FAM184B: variants seen among roughly 807,000 people sequenced by gnomAD.
FAM184B encodes the protein protein FAM184B.
A neutral mutation model predicts 135.9 loss-of-function variants in FAM184B; 111 were observed. The ratio of observed to expected loss-of-function variants is 0.82; its 90% CI spans 0.70 to 0.96. FAM184B has a LOEUF of 0.96. Among genes scored for constraint, FAM184B ranks in the 40% least tolerant of loss-of-function variants. The pLI is 0.00. For synonymous variants in FAM184B, 552 were observed against 524.8 expected (o/e 1.05, Z -0.71); for missense variants, 1,375 against 1,323.9 (o/e 1.04, Z -0.60).
At chr4:17,769,971 A>C (rs1333326976) in intron 1 of FAM184B, among the ~76,000 whole-genome samples, 2 of 152,190 alleles carry the variant, frequency 1.3e-5, no homozygotes, top group Non-Finnish European at 2.9e-5. Context: ...GAGACATCTG[A>C]GCCAAGTTGG....
rs529726822 is a variant in FAM184B at position 17,775,432 on chromosome 4, G to A, written c.141+5727C>T. ...CGTCTCCTGACCTCGTGATCTGCCC[G>A]CCTCGGCCTCCCAAACTGCTGGGAT... On this transcript the variant is annotated intron_variant, in intron 1 of 17. Transcript: ENST00000265018. Among the ~76,000 whole-genome samples, 65 of 152,182 alleles carry A rather than the reference G, an allele frequency of 4.3e-4. 1 individual carries two copies. In the East Asian group the frequency reaches 0.011, roughly 27 times the overall value.
intron 13 of FAM184B, among the ~76,000 whole-genome samples, chr4:17,641,643 CTT>C (rs34886078): frequency 0.017 from 401 of 24,256 alleles, no homozygotes; most frequent in Non-Finnish European, 0.019. Flanking sequence ...CACGCCCGGC[CTT>C]TTTTTTTTTT....
chr4:17,682,465 C>G (rs953147911), intron 7 of FAM184B, among the ~76,000 whole-genome samples: 1 of 151,930 alleles, frequency 6.6e-6, no homozygotes, highest in Admixed American at 6.6e-5. Context: ...TTTTATCTCT[C>G]TCTCTCTCTT....
intron 1 of FAM184B, among the ~76,000 whole-genome samples, chr4:17,711,674 A>G (rs1328610427): frequency 6.6e-6 from 1 of 152,060 alleles, no homozygotes; most frequent in Non-Finnish European, 1.5e-5. Context: ...AAAACAAAAC[A>G]AACAGAAGTT....
At chr4:17,697,808 A>T (rs547155176) in intron 5 of FAM184B, among the ~76,000 whole-genome samples, 2 of 152,226 alleles carry the variant, frequency 1.3e-5, no homozygotes, top group Non-Finnish European at 2.9e-5. Context: ...GCAGTCTACA[A>T]GTGATTAATC....
At chr4:17,663,615 A>AACACACACACACAC (rs113627829) in intron 8 of FAM184B, among the ~76,000 whole-genome samples, 204 of 150,540 alleles carry the variant, frequency 1.4e-3, no homozygotes, top group African/African-American at 4.9e-3. Context: ...TCCCATTCAC[A>AACACACACACACAC]ACACACACAC....
intron 13 of FAM184B, among the ~76,000 whole-genome samples, chr4:17,639,892 G>C (rs370796702): frequency 2.0e-5 from 3 of 151,134 alleles, no homozygotes; most frequent in Admixed American, 6.6e-5. Context: ...GCAATGGCAC[G>C]ATCTCGGCTC....
intron 1 of FAM184B, among the ~76,000 whole-genome samples, chr4:17,773,978 G>A (rs896841290): frequency 2.6e-5 from 4 of 152,160 alleles, no homozygotes; most frequent in Non-Finnish European, 5.9e-5. Flanking sequence ...TTGTGTTTGG[G>A]GTAAGACATT....
In FAM184B at chr4:17,658,385, G is replaced by T. The variant is rs369628973; in HGVS notation, c.2002C>A (p.Arg668Ser). The T allele has an allele frequency of 2.6e-6, 4 of 1,551,636 alleles. No individual in the cohort carries two copies. Among genetic ancestry groups the T allele is most frequent in the Non-Finnish European group, 2.6e-6 (3 of 1,146,998 alleles). Reference protein sequence around the residue: ...QLEASHQRALRMLEKARHQEL... With the variant: ...QLEASHQRALSMLEKARHQEL... The stretch of plus-strand genomic sequence containing the variant: ...TGATGTCTGGCCTTCTCCAGCATGC[G>T]CAGGGCTCTCTGGTGGGAAGCCTCG... The change falls in exon 10 of 18, where the codon CGC becomes AGC. Residue 668 changes from arginine (R) to serine (S), a missense_variant. Physicochemically the swap from Arg to Ser is moderately radical, Grantham distance 110. Transcript: ENST00000265018.
intron 1 of FAM184B, among the ~76,000 whole-genome samples, chr4:17,755,683 A>G (rs1718402568): frequency 6.6e-6 from 1 of 152,244 alleles, no homozygotes; most frequent in African/African-American, 2.4e-5. Flanking sequence ...GATAGATTGG[A>G]TAAAGAAAAT....
At chr4:17,642,985 C>T (rs9784427) in intron 12 of FAM184B, among the ~76,000 whole-genome samples, 8,237 of 152,284 alleles carry the variant, frequency 0.054, 715 homozygotes, top group African/African-American at 0.19. Context: ...CAGCTGTGCA[C>T]GGGGAGAATC....
chr4:17,647,895 G>T, intron 11 of FAM184B, 104 bp from the exon 12 acceptor site: 1 of 1,330,664 alleles, frequency 7.5e-7, no homozygotes, highest in Non-Finnish European at 1.0e-6. Context: ...GTGGGTGGCT[G>T]CTGAAGGCTT....
chr4:17,765,663 C>G (rs1236693470), intron 1 of FAM184B, among the ~76,000 whole-genome samples: 1 of 152,162 alleles, frequency 6.6e-6, no homozygotes, highest in Non-Finnish European at 1.5e-5. Flanking sequence ...CCTGTTTATT[C>G]TGGTTGTATT....
intron 16 of FAM184B, among the ~76,000 whole-genome samples, chr4:17,634,271 C>T (rs765208175): frequency 3.3e-5 from 5 of 152,184 alleles, no homozygotes; most frequent in Non-Finnish European, 1.5e-5. Context: ...AAAAACTACA[C>T]GAGATGACAT....
intron 9 of FAM184B, 77 bp from the exon 10 acceptor site, chr4:17,658,639 A>G: frequency 7.3e-7 from 1 of 1,368,998 alleles, no homozygotes; most frequent in Non-Finnish European, 1.0e-6. Flanking sequence ...AAAGCTTTCT[A>G]AATGTTACCT....
chr4:17,673,695 A>G (rs756050601), intron 7 of FAM184B, among the ~76,000 whole-genome samples: 15 of 152,202 alleles, frequency 9.9e-5, no homozygotes, highest in Non-Finnish European at 2.2e-4. Context: ...GTTCTCATTC[A>G]TAAGTGGGAG....
chr4:17,708,840 G>A, intron 2 of FAM184B, 52 bp downstream of exon 2: 1 of 1,456,532 alleles, frequency 6.9e-7, no homozygotes, highest in Non-Finnish European at 9.1e-7. Flanking sequence ...TTCACAATAA[G>A]CAGCCCTGCT....
chr4:17,681,579 G>A (rs1226516691), intron 7 of FAM184B, among the ~76,000 whole-genome samples: 3 of 152,214 alleles, frequency 2.0e-5, no homozygotes, highest in Non-Finnish European at 2.9e-5. Context: ...GAGCCTAGTG[G>A]TTATCTGCCT....
chr4:17,656,436 G>A (rs1482816332), intron 10 of FAM184B, among the ~76,000 whole-genome samples: 2 of 152,182 alleles, frequency 1.3e-5, no homozygotes, highest in East Asian at 1.9e-4. Flanking sequence ...GAGTCTTGCC[G>A]TGTTGCCCAG....
Sources: gnomAD v4.1 joint callset for allele counts (sites outside exome capture counted in the v4.1 genomes callset) on GRCh38, gnomAD v4.1.1 for gene constraint, MANE v1.5 for transcripts, NCBI Gene and HGNC (gene_info 2026-07-23, HGNC 2026-07-21) for gene names.